ADGRE2: variants seen among roughly 807,000 people sequenced by gnomAD.
The protein encoded by ADGRE2 is CD97 antigen.
A neutral mutation model predicts 100.8 loss-of-function variants in ADGRE2; 83 were observed. That is an observed-to-expected ratio of 0.82 (90% CI 0.69 to 0.99). The LOEUF (loss-of-function observed/expected upper bound fraction) is 0.99, where lower values mean the gene tolerates loss of function less well. ADGRE2 is among the 50% of genes least tolerant of loss of function. The pLI, the probability that ADGRE2 is intolerant of heterozygous loss-of-function variation, is 0.00. For missense variants in ADGRE2, 814 were observed against 1,035.7 expected, an observed-to-expected ratio of 0.79 and a Z score of 2.94; for synonymous variants, 355 against 413.0, an observed-to-expected ratio of 0.86 and a Z score of 1.70.
chr19:14,754,947 G>A lies in ADGRE2; in HGVS notation c.1590+7C>T. The A allele has an allele frequency of 6.2e-7, 1 of 1,613,456 alleles. No individual in the cohort carries two copies. The highest frequency in any genetic ancestry group is 8.5e-7 in the Non-Finnish European group (1 of 1,179,864). On this transcript the variant is annotated splice_region_variant and intron_variant, in intron 14 of 20. Transcript: ENST00000315576. ...ATGCAGAGTGCATCCCCTCCTAAGGGTCTCACCTGCACATCGTAGTGGGCC... is the reference window on the plus strand; with the variant it reads ...ATGCAGAGTGCATCCCCTCCTAAGGATCTCACCTGCACATCGTAGTGGGCC...
chr19:14,731,965 A>G (rs1280728857), downstream of ADGRE2: 4 of 152,178 alleles, frequency 2.6e-5, no homozygotes, highest in Non-Finnish European at 5.9e-5. Flanking sequence ...CACTTCTGCC[A>G]TGTCCTTAAA....
intron 5 of ADGRE2, among the ~76,000 whole-genome samples, chr19:14,770,967 ACTGT>A (rs1215087142): frequency 6.6e-6 from 1 of 152,046 alleles, no homozygotes; most frequent in Non-Finnish European, 1.5e-5. Flanking sequence ...GGCGTGAGCC[ACTGT>A]GCCTGGCCCG....
the ADGRE2 span, among the ~76,000 whole-genome samples, chr19:14,726,849 T>A: frequency 6.6e-6 from 1 of 152,068 alleles, no homozygotes; most frequent in Admixed American, 6.6e-5. Flanking sequence ...CTCCAAGAAG[T>A]TCCAAACTTT....
At chr19:14,752,261 G>A (rs773946291) in intron 15 of ADGRE2, 68 bp downstream of exon 15, 50 of 1,574,296 alleles carry the variant, frequency 3.2e-5, no homozygotes, top group South Asian at 9.0e-5. Context: ...ATCAAATGCC[G>A]CATCATTCCA....
intron 16 of ADGRE2, among the ~76,000 whole-genome samples, chr19:14,747,890 T>G (rs534954540): frequency 6.6e-6 from 1 of 152,366 alleles, no homozygotes; most frequent in East Asian, 1.9e-4. Flanking sequence ...TATTACGTTT[T>G]GTTTATTCAT....
At chr19:14,747,318 T>C (rs181282863) in intron 16 of ADGRE2, among the ~76,000 whole-genome samples, 3 of 151,772 alleles carry the variant, frequency 2.0e-5, no homozygotes, top group African/African-American at 7.3e-5. Flanking sequence ...CTGAGCAACA[T>C]AGCAAGACCC....
At position 14,764,596 on chromosome 19, in the gene ADGRE2, C is replaced by T. The variant is rs150714028; in HGVS notation, c.921G>A (p.Ala307=). The change falls in exon 11 of 21, where the codon GCG becomes GCA. Residue 307 remains alanine, a synonymous_variant. Coordinates refer to ENST00000315576, the MANE Select transcript of ADGRE2 (RefSeq NM_013447.4). The part of the protein sequence containing the change: ...ANNTIQSILQ[A]LDELLEAPGD... ...CAGGGGCCTCCAGCAGCTCATCCAG[C>T]GCCTGTAAGATGCTCTGGAGGGATG... 4.3e-5 allele frequency: 70 copies of T among 1,611,922 alleles called. No individual in the cohort carries two copies. The Middle Eastern group carries it at 5.1e-4, about 12-fold the overall frequency.
Position 14,776,853 on chromosome 19 carries a change from C to G in ADGRE2, c.-97G>C, listed in dbSNP as rs377265954. 1.0e-4 allele frequency: 159 copies of G among 1,572,752 alleles called. No homozygotes were observed. The East Asian group carries it at 2.8e-3, about 28-fold the overall frequency. ...GGCTGGGCAGCTGTGCGGGCTGTCC[C>G]GAGGCCAGGACTTTATAAAGGAGGG... On this transcript the variant is annotated 5_prime_UTR_variant, in exon 2 of 21. Coordinates refer to ENST00000315576, the MANE Select transcript of ADGRE2 (RefSeq NM_013447.4).
intron 1 of ADGRE2, among the ~76,000 whole-genome samples, chr19:14,777,784 G>T (rs1306124274): frequency 2.0e-5 from 3 of 151,982 alleles, no homozygotes; most frequent in South Asian, 4.2e-4. Flanking sequence ...TGAGAATGAT[G>T]GTTTTCAGCT....
At position 14,776,701 on chromosome 19, in the gene ADGRE2, C is replaced by T; in HGVS notation, c.31+25G>A. The T allele has an allele frequency of 3.1e-6, 5 of 1,609,028 alleles. No individual in the cohort carries two copies. The Middle Eastern group carries it at 6.6e-4, about 213-fold the overall frequency. The stretch of plus-strand genomic sequence containing the variant: ...CCGCTGGAGCTTCCTCGCTACCACC[C>T]CCAGCGGGGCCCCAAAGTACTTACC... On this transcript the variant is annotated intron_variant, in intron 2 of 20. Coordinates refer to ENST00000315576, the MANE Select transcript of ADGRE2 (RefSeq NM_013447.4).
At chr19:14,759,503 A>ATATATATATATATTT (rs60789454) in intron 11 of ADGRE2, among the ~76,000 whole-genome samples, 65 of 133,368 alleles carry the variant, frequency 4.9e-4, no homozygotes, top group African/African-American at 1.3e-3. Context: ...ATATATATAT[A>ATATATATATATATTT]TTTTTTTTTT....
intron 15 of ADGRE2, 69 bp downstream of exon 15, chr19:14,752,260 C>T (rs912771550): frequency 1.7e-5 from 26 of 1,573,410 alleles, no homozygotes; most frequent in Middle Eastern, 1.7e-4. Flanking sequence ...AATCAAATGC[C>T]GCATCATTCC....
chr19:14,736,722 A>C (rs923096369), intron 20 of ADGRE2, among the ~76,000 whole-genome samples: 4 of 145,146 alleles, frequency 2.8e-5, no homozygotes, highest in Admixed American at 6.9e-5. Context: ...TTAGAAATAT[A>C]TAGATATTTA....
intron 16 of ADGRE2, among the ~76,000 whole-genome samples, chr19:14,748,935 C>T (rs1367996611): frequency 6.6e-6 from 1 of 151,950 alleles, no homozygotes; most frequent in African/African-American, 2.4e-5. Context: ...GGATTATATA[C>T]CCTGACCAGG....
intron 5 of ADGRE2, 148 bp downstream of exon 5, chr19:14,772,194 C>T (rs544343581): frequency 6.0e-5 from 70 of 1,173,560 alleles, no homozygotes; most frequent in African/African-American, 1.8e-4. Flanking sequence ...TCTGGGCTGG[C>T]GAAACAGGTA....
intron 20 of ADGRE2, among the ~76,000 whole-genome samples, chr19:14,740,742 T>C (rs916000855): frequency 1.4e-5 from 2 of 147,834 alleles, no homozygotes; most frequent in African/African-American, 2.7e-5. Context: ...TTATTATTTA[T>C]GTATTTACTT....
In ADGRE2 at chr19:14,774,158, C is replaced by A. The variant is rs35975843; in HGVS notation, c.82+98G>T. ...GAGCGCTGAGTTTCCCGTGCACGAG[C>A]CCTCTCTTTCCCTGGGCTGAAGGGG... On this transcript the variant is annotated intron_variant, in intron 3 of 20. Transcript: ENST00000315576. The A allele has an allele frequency of 3.8e-5, 57 of 1,487,182 alleles. 1 individual carries two copies. Among genetic ancestry groups the A allele is most frequent in the Non-Finnish European group, 5.0e-5 (54 of 1,074,218 alleles). 92.1% of individuals were successfully genotyped at this position (1,487,182 alleles called of 1,614,324 possible). A position where few individuals can be genotyped will look rare whatever the true frequency, so the allele number is the denominator to read the frequency against.
chr19:14,753,305 C>T (rs376382274), intron 14 of ADGRE2, among the ~76,000 whole-genome samples: 19 of 152,016 alleles, frequency 1.2e-4, no homozygotes, highest in East Asian at 1.2e-3. Flanking sequence ...GAGCTAGCTT[C>T]GTGCCAGAAC....
chr19:14,751,281 A>T (rs2043275001), intron 16 of ADGRE2, among the ~76,000 whole-genome samples, 155 bp downstream of exon 16: 1 of 152,232 alleles, frequency 6.6e-6, no homozygotes, highest in Admixed American at 6.5e-5. Context: ...TAAACTCAAT[A>T]GCTAAGAATA....
Sources: gnomAD v4.1 joint callset for allele counts (sites outside exome capture counted in the v4.1 genomes callset) on GRCh38, gnomAD v4.1.1 for gene constraint, MANE v1.5 for transcripts, NCBI Gene and HGNC (gene_info 2026-07-23, HGNC 2026-07-21) for gene names.